LRRC4C: variants seen among roughly 807,000 people sequenced by gnomAD.
LRRC4C encodes the protein leucine-rich repeat-containing protein 4C.
LRRC4C carries 5 observed loss-of-function variants against 33.6 expected under a neutral mutation model. The ratio of observed to expected loss-of-function variants is 0.15; its 90% CI spans 0.08 to 0.31. LRRC4C has a LOEUF of 0.31. LRRC4C is among the 10% of genes least tolerant of loss of function. LRRC4C has a pLI of 1.00. For missense variants in LRRC4C, 560 were observed against 796.7 expected (o/e 0.70, Z 3.58); for synonymous variants, 329 against 302.0 (o/e 1.09, Z -0.93).
rs540366154 is a variant in LRRC4C at position 40,225,472 on chromosome 11, T to C, written c.-96+16047A>G. ...AGGTAAGTATGGTAATATCTGGAAGTGTGACTATCATATTTGAGTGAAGCT... is the reference window on the plus strand; with the variant it reads ...AGGTAAGTATGGTAATATCTGGAAGCGTGACTATCATATTTGAGTGAAGCT... On this transcript the variant is annotated intron_variant, in intron 5 of 6. Coordinates refer to ENST00000528697, the MANE Select transcript of LRRC4C (RefSeq NM_001258419.2). Among the ~76,000 whole-genome samples the C allele has an allele frequency of 2.6e-5, 4 of 152,310 alleles. No individual in the cohort carries two copies. In the East Asian group the frequency reaches 7.7e-4, roughly 29 times the overall value.
At chr11:41,039,313 C>T (rs922855763) in intron 1 of LRRC4C, among the ~76,000 whole-genome samples, 2 of 152,054 alleles carry the variant, frequency 1.3e-5, no homozygotes, top group African/African-American at 4.8e-5. Context: ...TGTGTTTTCC[C>T]CACATAAATA....
At chr11:40,734,754 T>C (rs1947770216) in intron 2 of LRRC4C, among the ~76,000 whole-genome samples, 1 of 152,174 alleles carries the variant, frequency 6.6e-6, no homozygotes, top group African/African-American at 2.4e-5. Context: ...AGGATAATCC[T>C]GAACAGGGAG....
At chr11:41,351,428 T>C (rs1951980476) in intron 1 of LRRC4C, among the ~76,000 whole-genome samples, 1 of 152,154 alleles carries the variant, frequency 6.6e-6, no homozygotes, top group Non-Finnish European at 1.5e-5. Context: ...TTGAAGGATA[T>C]TGTATCCAAA....
intron 1 of LRRC4C, among the ~76,000 whole-genome samples, chr11:41,367,207 T>A (rs955112273): frequency 2.6e-5 from 4 of 152,152 alleles, no homozygotes; most frequent in African/African-American, 9.7e-5. Flanking sequence ...TGACTTTTGA[T>A]AATAAAATGA....
At chr11:40,958,397 T>G (rs1754606283) in intron 1 of LRRC4C, among the ~76,000 whole-genome samples, 1 of 151,824 alleles carries the variant, frequency 6.6e-6, no homozygotes, top group African/African-American at 2.4e-5. Flanking sequence ...TGTTACATAA[T>G]TTTTACTACA....
intron 5 of LRRC4C, among the ~76,000 whole-genome samples, chr11:40,173,210 T>C (rs1860192273): frequency 6.6e-6 from 1 of 152,218 alleles, no homozygotes; most frequent in African/African-American, 2.4e-5. Context: ...ACTCACCTAG[T>C]TTGTGGCACT....
intron 3 of LRRC4C, among the ~76,000 whole-genome samples, chr11:40,382,294 TTTTAA>T (rs1289448916): frequency 6.6e-6 from 1 of 151,588 alleles, no homozygotes; most frequent in African/African-American, 2.4e-5. Context: ...GTTTTTACTT[TTTTAA>T]TTTAATTTTT....
rs192325482 is a variant in LRRC4C at position 40,500,126 on chromosome 11, A to G, written c.-270+148016T>C. Among the ~76,000 whole-genome samples the G allele has an allele frequency of 1.7e-3, 253 of 152,110 alleles. 1 individual carries two copies. The highest frequency in any genetic ancestry group is 5.6e-3 in the African/African-American group (234 of 41,512). ...TGGATTCTGGAATCAAAGAAAACTG[A>G]TGTGTGACTTAATAGGTACGTAACT... On this transcript the variant is annotated intron_variant, in intron 3 of 6. Coordinates refer to ENST00000528697, the MANE Select transcript of LRRC4C (RefSeq NM_001258419.2).
At chr11:40,676,906 T>C (rs905314349) in intron 2 of LRRC4C, among the ~76,000 whole-genome samples, 4 of 152,042 alleles carry the variant, frequency 2.6e-5, no homozygotes, top group African/African-American at 9.7e-5. Context: ...TATTTCCCAA[T>C]TTACCTCTCA....
intron 2 of LRRC4C, among the ~76,000 whole-genome samples, chr11:40,768,781 T>A (rs547073995): frequency 1.3e-5 from 2 of 152,206 alleles, no homozygotes; most frequent in East Asian, 3.9e-4. Flanking sequence ...TTGGTAAAAT[T>A]CAACATGCCT....
chr11:40,558,025 C>T (rs913239881), intron 3 of LRRC4C, among the ~76,000 whole-genome samples: 1 of 152,060 alleles, frequency 6.6e-6, no homozygotes, highest in Non-Finnish European at 1.5e-5. Context: ...AATCCTAACC[C>T]ACTGTAAAAA....
At chr11:41,457,571 A>G (rs1472193987) in intron 1 of LRRC4C, among the ~76,000 whole-genome samples, 2 of 152,200 alleles carry the variant, frequency 1.3e-5, no homozygotes, top group African/African-American at 4.8e-5. Flanking sequence ...TCCATAAAGA[A>G]AATAAAATTT....
intron 1 of LRRC4C, among the ~76,000 whole-genome samples, chr11:41,162,268 T>C (rs1944506535): frequency 6.6e-6 from 1 of 152,178 alleles, no homozygotes; most frequent in South Asian, 2.1e-4. Context: ...TCACCCATCT[T>C]GCCTTTATCA....
chr11:40,935,895 C>T (rs1957859092), intron 1 of LRRC4C, among the ~76,000 whole-genome samples: 2 of 150,572 alleles, frequency 1.3e-5, no homozygotes, highest in Admixed American at 1.3e-4. Context: ...CTCAGGTCCT[C>T]AGCTATAAAC....
chr11:41,312,680 A>C (rs1192914225), intron 1 of LRRC4C, among the ~76,000 whole-genome samples: 1 of 152,186 alleles, frequency 6.6e-6, no homozygotes, highest in Non-Finnish European at 1.5e-5. Context: ...GTAGAAGCAC[A>C]CACTAATTAA....
At chr11:40,997,842 G>A (rs2137336102) in intron 1 of LRRC4C, among the ~76,000 whole-genome samples, 1 of 152,206 alleles carries the variant, frequency 6.6e-6, no homozygotes, top group African/African-American at 2.4e-5. Context: ...ATACAAACTT[G>A]CAGTTATTCA....
intron 5 of LRRC4C, among the ~76,000 whole-genome samples, chr11:40,215,008 C>T (rs1257733640): frequency 6.6e-6 from 1 of 152,140 alleles, no homozygotes; most frequent in Non-Finnish European, 1.5e-5. Flanking sequence ...GAAGTCCTTA[C>T]TCCTGTCTGC....
chr11:40,795,984 C>A (rs762563630), intron 2 of LRRC4C, among the ~76,000 whole-genome samples: 1 of 151,982 alleles, frequency 6.6e-6, no homozygotes, highest in South Asian at 2.1e-4. Flanking sequence ...AATGATAATA[C>A]GTCTATATAT....
intron 5 of LRRC4C, among the ~76,000 whole-genome samples, chr11:40,155,066 G>A (rs887185100): frequency 1.3e-5 from 2 of 151,814 alleles, no homozygotes; most frequent in East Asian, 1.9e-4. Flanking sequence ...TAAAATAGGT[G>A]GAAATAAATA....
Sources: gnomAD v4.1 joint callset for allele counts (sites outside exome capture counted in the v4.1 genomes callset) on GRCh38, gnomAD v4.1.1 for gene constraint, MANE v1.5 for transcripts, NCBI Gene and HGNC (gene_info 2026-07-23, HGNC 2026-07-21) for gene names.